CCDC32: variants seen among roughly 807,000 people sequenced by gnomAD.
The protein encoded by CCDC32 is coiled-coil domain-containing protein 32.
A neutral mutation model predicts 20.1 loss-of-function variants in CCDC32; 9 were observed. The observed-to-expected ratio is 0.45, with a 90% CI of 0.27 to 0.78. The LOEUF (loss-of-function observed/expected upper bound fraction) is 0.78. CCDC32 is among the 30% of genes least tolerant of loss of function. The pLI is 0.16. For synonymous variants in CCDC32, 63 were observed against 79.0 expected (o/e 0.80, Z 1.07); for missense variants, 204 against 215.5 (o/e 0.95, Z 0.33).
intron 2 of CCDC32, among the ~76,000 whole-genome samples, chr15:40,560,158 C>T (rs768457196): frequency 1.3e-5 from 2 of 152,224 alleles, no homozygotes; most frequent in East Asian, 1.9e-4. Flanking sequence ...TATAGGTGTG[C>T]GCCACCACGC....
chr15:40,530,035 C>T (rs1839305437), downstream of CCDC32, among the ~76,000 whole-genome samples: 2 of 151,100 alleles, frequency 1.3e-5, no homozygotes, highest in Admixed American at 1.3e-4. Flanking sequence ...CTCACACCTG[C>T]AATCCCAGCG....
downstream of CCDC32, chr15:40,536,749 C>G (rs1889128991): frequency 6.6e-6 from 1 of 152,284 alleles, no homozygotes; most frequent in Non-Finnish European, 1.5e-5. Flanking sequence ...AACACAGAGC[C>G]AAGCTCTGGA....
downstream of CCDC32, among the ~76,000 whole-genome samples, chr15:40,549,002 TAAC>T (rs1244301767): frequency 1.3e-5 from 2 of 151,972 alleles, no homozygotes; most frequent in African/African-American, 4.8e-5. Flanking sequence ...AGTGAAAAAA[TAAC>T]AAGAAAAATT....
At chr15:40,539,583 G>A (rs891857432) in intron 3 of CCDC32, among the ~76,000 whole-genome samples, 10 of 152,120 alleles carry the variant, frequency 6.6e-5, no homozygotes, top group East Asian at 1.9e-4. Context: ...CAGGGGACAC[G>A]GGGGCCCGTG....
chr15:40,530,557 C>G (rs1888842786), downstream of CCDC32, among the ~76,000 whole-genome samples: 1 of 150,846 alleles, frequency 6.6e-6, no homozygotes, highest in African/African-American at 2.4e-5. Flanking sequence ...CTTGGTCCCT[C>G]TCTTGCCATG....
chr15:40,538,561 C>A (rs1026421766), downstream of CCDC32: 11 of 152,274 alleles, frequency 7.2e-5, 1 homozygote, highest in Non-Finnish European at 1.6e-4. Flanking sequence ...TCCAAGCCCC[C>A]CTCAAATTCA....
chr15:40,561,487 AAAC>A (rs1890629029), intron 2 of CCDC32, among the ~76,000 whole-genome samples: 1 of 150,992 alleles, frequency 6.6e-6, no homozygotes, highest in Non-Finnish European at 1.5e-5. Flanking sequence ...AAAAAAAACA[AAAC>A]AACAACCAAA....
At chr15:40,542,191 A>G (rs1889422895) in intron 3 of CCDC32, among the ~76,000 whole-genome samples, 1 of 152,210 alleles carries the variant, frequency 6.6e-6, no homozygotes, top group African/African-American at 2.4e-5. Flanking sequence ...AGGCCACCCT[A>G]TTGTTGAACA....
chr15:40,538,054 G>A (rs1238297945), downstream of CCDC32: 2 of 152,238 alleles, frequency 1.3e-5, no homozygotes, highest in Non-Finnish European at 2.9e-5. Context: ...ATGACTACAA[G>A]GTCTGCGGTC....
Position 40,562,866 on chromosome 15 carries a change from A to G in CCDC32, c.150T>C (p.Gly50=), listed in dbSNP as rs1348954228. Residue 50 remains glycine, a synonymous_variant, in exon 2 of 4, where the codon GGT becomes GGC. Transcript: ENST00000416810. ...AGTCAGCCACCTCCCTCTGGCCTTC[A>G]CCTTCAGGGCAAGAATCCACAAAGG... ...SDSFVDSCPE[G]EGQREVADFA... is the part of the protein sequence containing the mutation. The G allele has an allele frequency of 6.2e-7, 1 of 1,614,172 alleles. No individual in the cohort carries two copies. The highest frequency in any genetic ancestry group is 1.1e-5 in the South Asian group (1 of 91,082).
downstream of CCDC32, chr15:40,528,645 G>GC: frequency 1.5e-6 from 1 of 648,894 alleles, no homozygotes; most frequent in Non-Finnish European, 2.7e-6. Flanking sequence ...GAGAGATTGG[G>GC]CAGGGATGTT....
downstream of CCDC32, among the ~76,000 whole-genome samples, chr15:40,533,666 GT>G (rs1888983067): frequency 6.6e-6 from 1 of 152,086 alleles, no homozygotes; most frequent in African/African-American, 2.4e-5. Flanking sequence ...GTTATAAAGA[GT>G]TTTCAGCACG....
intron 2 of CCDC32, among the ~76,000 whole-genome samples, chr15:40,559,091 CCTCT>C (rs1305936252): frequency 6.7e-5 from 10 of 148,832 alleles, no homozygotes; most frequent in Non-Finnish European, 1.0e-4. Context: ...TCTCTTCCTT[CCTCT>C]CTCTCTTTCT....
At chr15:40,530,618 G>C (rs1376583021), downstream of CCDC32, among the ~76,000 whole-genome samples, 1 of 150,802 alleles carries the variant, frequency 6.6e-6, no homozygotes, top group Non-Finnish European at 1.5e-5. Context: ...GCTTCCTGAG[G>C]CCTCACCAGC....
chr15:40,533,872 G>A (rs189170832), downstream of CCDC32, among the ~76,000 whole-genome samples: 284 of 152,092 alleles, frequency 1.9e-3, 1 homozygote, highest in African/African-American at 6.4e-3. Context: ...AGCAATCCCT[G>A]AATAACACAT....
At chr15:40,564,858 G>C in intron 1 of CCDC32, 118 bp downstream of exon 1, 1 of 1,579,810 alleles carries the variant, frequency 6.3e-7, no homozygotes, top group Non-Finnish European at 8.7e-7. Flanking sequence ...CAGTCGCTCA[G>C]GTCTCTAGGG....
At chr15:40,528,552 A>G (rs1405688165), downstream of CCDC32, 2 of 550,986 alleles carry the variant, frequency 3.6e-6, no homozygotes, top group East Asian at 3.0e-5. Flanking sequence ...CTGGTTGGGC[A>G]TGAGGTAGAG....
chr15:40,525,317 T>C (rs867844752), downstream of CCDC32, among the ~76,000 whole-genome samples: 1 of 151,968 alleles, frequency 6.6e-6, no homozygotes, highest in Non-Finnish European at 1.5e-5. Context: ...CGTGAGCCAC[T>C]GCGCCCGGCC....
At chr15:40,529,608 A>G (rs1182448299) in intron 3 of CCDC32, 2 of 151,744 alleles carry the variant, frequency 1.3e-5, no homozygotes, top group African/African-American at 2.4e-5. Flanking sequence ...AAATTGGAAC[A>G]TACAGAGATT....
Sources: allele counts gnomAD v4.1 joint callset (sites outside exome capture counted in the v4.1 genomes callset), GRCh38; gene constraint gnomAD v4.1.1; transcripts MANE v1.5; gene names NCBI Gene and HGNC (gene_info 2026-07-23, HGNC 2026-07-21).